CSMD1: variants seen among roughly 807,000 people sequenced by gnomAD.
The protein encoded by CSMD1 is CUB and Sushi multiple domains 1.
A neutral mutation model predicts 417.5 loss-of-function variants in CSMD1; 213 were observed. That is an observed-to-expected ratio of 0.51 (90% CI 0.46 to 0.57). The LOEUF (loss-of-function observed/expected upper bound fraction) is 0.57, where lower values mean the gene tolerates loss of function less well. CSMD1 is among the 20% of genes least tolerant of loss of function. The probability of loss-of-function intolerance (pLI) is 0.00; values close to 1 mark genes in which losing one functional copy is unlikely to be tolerated. For missense variants in CSMD1, 6,923 were observed against 4,529.7 expected (o/e 1.53, Z -15.17); for synonymous variants, 2,862 against 1,736.8 (o/e 1.65, Z -16.11).
intron 60 of CSMD1, 24 bp from the exon 61 acceptor site, chr8:2,962,663 G>C: frequency 1.2e-6 from 2 of 1,608,880 alleles, no homozygotes; most frequent in Non-Finnish European, 1.7e-6. Flanking sequence ...CCAGGAAGAA[G>C]TCAGCCTTCA....
rs148896778 is a variant in CSMD1 at position 3,312,762 on chromosome 8, C to G, written c.3632-4259G>C. On this transcript the variant is annotated intron_variant, in intron 23 of 69. Coordinates refer to ENST00000635120, the MANE Select transcript of CSMD1 (RefSeq NM_033225.6). ...TGCTGCCTCCACCGTTAAACTGTGC[C>G]CTTAGAGCCATAGCATGTCAGCATC... Among the ~76,000 whole-genome samples the G allele has an allele frequency of 2.6e-5, 4 of 152,048 alleles. No homozygotes were observed. In the East Asian group the frequency reaches 7.7e-4, roughly 29 times the overall value.
intron 26 of CSMD1, among the ~76,000 whole-genome samples, chr8:3,241,003 A>G (rs189866718): frequency 0.076 from 11,179 of 147,652 alleles, 526 homozygotes; most frequent in African/African-American, 0.12. Flanking sequence ...TAATGAGATG[A>G]TAAGGGGTGC....
At chr8:4,655,753 C>G (rs1350596281) in intron 1 of CSMD1, among the ~76,000 whole-genome samples, 1 of 152,110 alleles carries the variant, frequency 6.6e-6, no homozygotes, top group Non-Finnish European at 1.5e-5. Flanking sequence ...CAGCTACTCA[C>G]ACTAATAGTA....
chr8:4,026,585 A>G (rs992541882), intron 4 of CSMD1, among the ~76,000 whole-genome samples: 1 of 152,238 alleles, frequency 6.6e-6, no homozygotes, highest in African/African-American at 2.4e-5. Flanking sequence ...GTCACAAGGA[A>G]CTAAGGACAC....
At chr8:3,775,049 A>G (rs2623650) in intron 5 of CSMD1, among the ~76,000 whole-genome samples, 151,252 of 152,236 alleles carry the variant, frequency 0.99, 75,150 homozygotes, top group East Asian at 1. Flanking sequence ...TACTCAGAAT[A>G]GCATACAATT....
At chr8:3,472,007 T>G (rs2117202070) in intron 11 of CSMD1, among the ~76,000 whole-genome samples, 1 of 152,104 alleles carries the variant, frequency 6.6e-6, no homozygotes, top group African/African-American at 2.4e-5. Flanking sequence ...GTTCCCCACT[T>G]TACACCCCTT....
chr8:3,300,124 C>G (rs527244353), intron 25 of CSMD1, among the ~76,000 whole-genome samples: 2 of 151,962 alleles, frequency 1.3e-5, no homozygotes, highest in Non-Finnish European at 2.9e-5. Context: ...GAATACTATC[C>G]GGTAACTAAA....
At chr8:4,193,279 T>G (rs539758205) in intron 3 of CSMD1, among the ~76,000 whole-genome samples, 1 of 152,330 alleles carries the variant, frequency 6.6e-6, no homozygotes, top group Non-Finnish European at 1.5e-5. Flanking sequence ...GCATCACACG[T>G]GTATTAAAAT....
At chr8:4,607,465 C>A (rs756812478) in intron 2 of CSMD1, among the ~76,000 whole-genome samples, 6 of 152,066 alleles carry the variant, frequency 3.9e-5, no homozygotes, top group Non-Finnish European at 5.9e-5. Flanking sequence ...GAAGCTAGGG[C>A]CTGATACGAC....
chr8:3,088,159 G>C (rs1814678169), intron 48 of CSMD1, among the ~76,000 whole-genome samples: 1 of 152,168 alleles, frequency 6.6e-6, no homozygotes, highest in Admixed American at 6.5e-5. Flanking sequence ...ATGGGCATTT[G>C]TTAAAATAAT....
chr8:4,828,489 T>C (rs567603721), intron 1 of CSMD1, among the ~76,000 whole-genome samples: 9 of 152,212 alleles, frequency 5.9e-5, no homozygotes, highest in East Asian at 1.9e-4. Flanking sequence ...TCTGAGTGTC[T>C]TGGGGTAAGA....
At chr8:4,281,435 C>T (rs1478874438) in intron 3 of CSMD1, among the ~76,000 whole-genome samples, 3 of 152,122 alleles carry the variant, frequency 2.0e-5, no homozygotes, top group Non-Finnish European at 4.4e-5. Context: ...ATGAAATTAA[C>T]ACTTCAGAAG....
intron 1 of CSMD1, among the ~76,000 whole-genome samples, chr8:4,797,868 A>AT (rs1798064455): frequency 6.6e-6 from 1 of 152,224 alleles, no homozygotes; most frequent in Non-Finnish European, 1.5e-5. Context: ...TTCCTCATGG[A>AT]TTTTACGAAA....
intron 3 of CSMD1, among the ~76,000 whole-genome samples, chr8:4,127,945 T>C (rs1407799457): frequency 6.6e-6 from 1 of 152,230 alleles, no homozygotes. Context: ...AACACTATTC[T>C]GTCTTGCAAA....
At chr8:4,985,372 G>T (rs374941641) in intron 1 of CSMD1, among the ~76,000 whole-genome samples, 4 of 126,776 alleles carry the variant, frequency 3.2e-5, no homozygotes, top group Non-Finnish European at 5.1e-5. Flanking sequence ...GAACTTAAAA[G>T]TTTTTTTTAA....
At chr8:3,767,126 T>C (rs1315956340) in intron 5 of CSMD1, among the ~76,000 whole-genome samples, 1 of 152,228 alleles carries the variant, frequency 6.6e-6, no homozygotes, top group Non-Finnish European at 1.5e-5. Flanking sequence ...GGGGTTCCGC[T>C]GAGGCTGCTG....
intron 37 of CSMD1, among the ~76,000 whole-genome samples, chr8:3,170,627 T>C (rs12056500): frequency 0.036 from 5,425 of 152,306 alleles, 328 homozygotes; most frequent in East Asian, 0.2. Flanking sequence ...CTCCTAAAGA[T>C]TGATCTTGAA....
intron 1 of CSMD1, among the ~76,000 whole-genome samples, chr8:4,731,926 T>A (rs1239109225): frequency 6.6e-6 from 1 of 152,124 alleles, no homozygotes; most frequent in African/African-American, 2.4e-5. Flanking sequence ...AAGATAAAAA[T>A]AATAATAGTG....
chr8:4,807,180 T>C (rs972657196), intron 1 of CSMD1, among the ~76,000 whole-genome samples: 1 of 152,224 alleles, frequency 6.6e-6, no homozygotes, highest in African/African-American at 2.4e-5. Context: ...ATGACATTAT[T>C]GTACCCAACT....
Sources: gnomAD v4.1 joint callset for allele counts (sites outside exome capture counted in the v4.1 genomes callset) on GRCh38, gnomAD v4.1.1 for gene constraint, MANE v1.5 for transcripts, NCBI Gene and HGNC (gene_info 2026-07-23, HGNC 2026-07-21) for gene names.